COL4A4: variants seen among roughly 807,000 people sequenced by gnomAD.
The protein encoded by COL4A4 is collagen type IV alpha 4 chain, also known as collagen alpha-4(IV) chain.
COL4A4 carries 105 observed loss-of-function variants against 192.9 expected under a neutral mutation model. That is an observed-to-expected ratio of 0.54 (90% CI 0.46 to 0.64). The LOEUF (loss-of-function observed/expected upper bound fraction) is 0.64, where lower values mean the gene tolerates loss of function less well. COL4A4 is among the 30% of genes least tolerant of loss of function. COL4A4 has a pLI of 0.00. For missense variants in COL4A4, 1,967 were observed against 2,169.3 expected (o/e 0.91, Z 1.85); for synonymous variants, 762 against 769.9 (o/e 0.99, Z 0.17).
intron 25 of COL4A4, among the ~76,000 whole-genome samples, chr2:227,070,977 C>T (rs1274954568): frequency 6.6e-6 from 1 of 152,070 alleles, no homozygotes; most frequent in Non-Finnish European, 1.5e-5. Context: ...CTTTAGAACT[C>T]ACACGGCCTA....
In COL4A4 at chr2:227,089,903, C is replaced by G. The variant is rs1559594442; in HGVS notation, c.1424G>C (p.Gly475Ala). The part of the protein sequence containing the change: ...PGPQGIKGKV[G>A]PPGGRGPKGE... The stretch of plus-strand genomic sequence containing the variant: ...TTTTGGGCCTCTTCCTCCTGGGGGA[C>G]CAACTTTGCCTTTTATTCCTTGTGG... Residue 475 changes from glycine (G) to alanine (A), a missense_variant, in exon 21 of 48, where the codon GGT becomes GCT. Physicochemically the swap from Gly to Ala is moderately conservative, Grantham distance 60. Transcript: ENST00000396625. 5 of 1,613,604 alleles carry G rather than the reference C, an allele frequency of 3.1e-6. No homozygotes were observed. In the African/African-American group the frequency reaches 6.7e-5, roughly 22 times the overall value.
chr2:227,052,329 C>T lies in COL4A4; in HGVS notation c.2944G>A (p.Asp982Asn). The T allele has an allele frequency of 6.2e-7, 1 of 1,607,838 alleles. No individual in the cohort carries two copies. Among genetic ancestry groups the T allele is most frequent in the Non-Finnish European group, 8.5e-7 (1 of 1,174,252 alleles). Residue 982 changes from aspartate to asparagine, a missense_variant, in exon 32 of 48, where the codon GAT becomes AAT. Physicochemically the swap from Asp to Asn is conservative, Grantham distance 23 (BLOSUM62 1). Coordinates refer to ENST00000396625, the MANE Select transcript of COL4A4 (RefSeq NM_000092.5). Reference sequence around the variant, plus strand: ...CCTCTTTCTCCTGGGAATCCATCATCTCCAGGAGGTCCAGGTTCCCCAGGT... The same window carrying T: ...CCTCTTTCTCCTGGGAATCCATCATTTCCAGGAGGTCCAGGTTCCCCAGGT... ...GTPGEPGPPG[D>N]DGFPGERGDK...
chr2:227,102,004 G>T, intron 15 of COL4A4, 95 bp from the exon 16 acceptor site: 1 of 866,912 alleles, frequency 1.2e-6, no homozygotes, highest in South Asian at 1.6e-5. Context: ...ATTGTTCCAT[G>T]GATATTTGGT....
intron 4 of COL4A4, among the ~76,000 whole-genome samples, chr2:227,134,826 C>T (rs759602907): frequency 1.4e-4 from 21 of 152,280 alleles, no homozygotes; most frequent in East Asian, 3.9e-4. Flanking sequence ...ATTTGACCTC[C>T]GTGTTTGTAA....
chr2:227,048,855 C>CT (rs1205104242), intron 34 of COL4A4, among the ~76,000 whole-genome samples: 4 of 152,114 alleles, frequency 2.6e-5, no homozygotes, highest in Non-Finnish European at 5.9e-5. Context: ...AAATATAAAA[C>CT]TTTTTCCATT....
At chr2:227,118,412 C>T (rs771284121) in intron 7 of COL4A4, among the ~76,000 whole-genome samples, 1 of 152,112 alleles carries the variant, frequency 6.6e-6, no homozygotes, top group Non-Finnish European at 1.5e-5. Flanking sequence ...TAAAACCATC[C>T]AGTGCCTTTA....
intron 25 of COL4A4, among the ~76,000 whole-genome samples, chr2:227,072,070 C>CA (rs933901620): frequency 6.6e-6 from 1 of 150,706 alleles, no homozygotes. Flanking sequence ...AAATGCAAAC[C>CA]AAAAAAATAT....
At chr2:227,114,315 T>C (rs999317529) in intron 8 of COL4A4, among the ~76,000 whole-genome samples, 3 of 150,946 alleles carry the variant, frequency 2.0e-5, no homozygotes, top group Non-Finnish European at 2.9e-5. Flanking sequence ...CATCCTATAA[T>C]GCACAAGTCA....
At chr2:227,132,982 G>T (rs1559705959) in intron 4 of COL4A4, among the ~76,000 whole-genome samples, 1 of 152,162 alleles carries the variant, frequency 6.6e-6, no homozygotes, top group Admixed American at 6.5e-5. Context: ...TATACTAAGT[G>T]CTTTCTATTT....
chr2:226,993,586 G>A, the COL4A4 span, among the ~76,000 whole-genome samples: 2 of 152,118 alleles, frequency 1.3e-5, no homozygotes. Context: ...AATACATATG[G>A]CAAAAACGTT....
intron 7 of COL4A4, 68 bp from the exon 8 acceptor site, chr2:227,114,764 A>T (rs2061400916): frequency 8.0e-7 from 1 of 1,245,774 alleles, no homozygotes; most frequent in Non-Finnish European, 1.2e-6. Context: ...TTTCTTTTCT[A>T]TATAAAATAT....
chr2:226,978,045 G>C, the COL4A4 span, among the ~76,000 whole-genome samples: 1 of 152,182 alleles, frequency 6.6e-6, no homozygotes, highest in African/African-American at 2.4e-5. Flanking sequence ...TGTTGGTGTA[G>C]TGTCCTCACT....
At chr2:227,073,814 T>C (rs1209422404) in intron 25 of COL4A4, among the ~76,000 whole-genome samples, 1 of 152,058 alleles carries the variant, frequency 6.6e-6, no homozygotes, top group African/African-American at 2.4e-5. Flanking sequence ...CCCTATTTAA[T>C]AAATGATGCT....
chr2:226,993,330 C>T, the COL4A4 span, among the ~76,000 whole-genome samples: 2 of 152,326 alleles, frequency 1.3e-5, no homozygotes, highest in East Asian at 3.9e-4. Context: ...GTCGAGCTTG[C>T]TTCTGACTCT....
intron 32 of COL4A4, 23 bp from the exon 33 acceptor site, chr2:227,051,181 A>C: frequency 1.2e-6 from 2 of 1,613,624 alleles, no homozygotes; most frequent in African/African-American, 1.3e-5. Context: ...GAAGTGTTAC[A>C]GGTCTCTGCT....
chr2:227,054,752 G>T lies in COL4A4; in HGVS notation c.2717-15C>A, dbSNP rs143886681. 537 of 1,611,786 alleles carry T rather than the reference G, an allele frequency of 3.3e-4. 4 individuals are homozygous for T. In the African/African-American group the frequency reaches 6.0e-3, roughly 18 times the overall value. ...CCCCCGGGGTCCTGGTGAAATGAGA[G>T]CATAAAGTTTTAGGAAAATATTTTA... On this transcript the variant is annotated splice_polypyrimidine_tract_variant and intron_variant, in intron 30 of 47. Transcript: ENST00000396625.
chr2:227,012,100 A>G (rs1963857812), intron 45 of COL4A4, 81 bp downstream of exon 45: 2 of 1,143,908 alleles, frequency 1.7e-6, no homozygotes, highest in Admixed American at 3.4e-5. Context: ...CAGTTTGGAA[A>G]GCCACTTGAG....
chr2:227,043,153 C>T lies in COL4A4; in HGVS notation c.3321G>A (p.Leu1107=). 6.2e-7 allele frequency: 1 copy of T among 1,614,154 alleles called. No individual in the cohort carries two copies. The change falls in exon 36 of 48, where the codon TTG becomes TTA. Residue 1107 remains leucine (L), a synonymous_variant. Transcript: ENST00000396625. ...GHFGASGEQG[L]PGIQGPRGSP... Reference sequence around the variant, plus strand: ...ATCCTCTGGGCCCTTGAATACCAGGCAAGCCCTGCTCTCCGGATGCTCCAA... The same window carrying T: ...ATCCTCTGGGCCCTTGAATACCAGGTAAGCCCTGCTCTCCGGATGCTCCAA...
At chr2:227,112,489 G>A (rs936882945) in intron 8 of COL4A4, among the ~76,000 whole-genome samples, 7 of 152,016 alleles carry the variant, frequency 4.6e-5, no homozygotes, top group East Asian at 1.9e-4. Context: ...GGCTGGTCTC[G>A]AACTCCTGAC....
Sources: gnomAD v4.1 joint callset for allele counts (sites outside exome capture counted in the v4.1 genomes callset) on GRCh38, gnomAD v4.1.1 for gene constraint, MANE v1.5 for transcripts, NCBI Gene and HGNC (gene_info 2026-07-23, HGNC 2026-07-21) for gene names.